RIMS2: variants seen among roughly 807,000 people sequenced by gnomAD.
RIMS2 encodes the protein regulating synaptic membrane exocytosis 2.
Under a neutral mutation model 174.4 loss-of-function variants are expected in RIMS2, and 59 were observed. The ratio of observed to expected loss-of-function variants is 0.34; its 90% CI spans 0.27 to 0.42. The LOEUF (loss-of-function observed/expected upper bound fraction) is 0.42. Among genes scored for constraint, RIMS2 ranks in the 10% least tolerant of loss-of-function variants. RIMS2 has a pLI of 1.00. For synonymous variants in RIMS2, 606 were observed against 572.5 expected (o/e 1.06, Z -0.84); for missense variants, 1,620 against 1,666.3 (o/e 0.97, Z 0.48).
At chr8:103,600,709 C>T (rs1173881531) in intron 1 of RIMS2, among the ~76,000 whole-genome samples, 1 of 152,176 alleles carries the variant, frequency 6.6e-6, no homozygotes. Flanking sequence ...GGCTGTGTAA[C>T]CATCAGTGGG....
At chr8:103,935,126 T>C (rs1260068256) in intron 12 of RIMS2, among the ~76,000 whole-genome samples, 1 of 152,208 alleles carries the variant, frequency 6.6e-6, no homozygotes, top group East Asian at 1.9e-4. Flanking sequence ...TGAGTAGATG[T>C]TAAATAAATA....
intron 3 of RIMS2, among the ~76,000 whole-genome samples, chr8:103,767,947 A>T (rs1463125122): frequency 6.6e-6 from 1 of 152,230 alleles, no homozygotes; most frequent in African/African-American, 2.4e-5. Context: ...TTGTTGGTCC[A>T]GGGCTGATCC....
intron 3 of RIMS2, among the ~76,000 whole-genome samples, chr8:103,778,001 T>C (rs1467381658): frequency 6.6e-6 from 1 of 152,022 alleles, no homozygotes; most frequent in African/African-American, 2.4e-5. Flanking sequence ...TATCTTTTCT[T>C]TGCTGACATT....
chr8:103,618,325 G>A (rs983738239), intron 1 of RIMS2, among the ~76,000 whole-genome samples: 12 of 152,088 alleles, frequency 7.9e-5, no homozygotes, highest in Admixed American at 4.6e-4. Context: ...TACTTGAATG[G>A]GGAGGGTGGG....
rs536083003 is a variant in RIMS2 at position 103,593,781 on chromosome 8, T to C, written c.176+92719T>C. Reference sequence around the variant, plus strand: ...TAAACAATACATAACAGATAACTTATGTTAGCATGCAATGGATTTATTATT... The same window carrying C: ...TAAACAATACATAACAGATAACTTACGTTAGCATGCAATGGATTTATTATT... On this transcript the variant is annotated intron_variant, in intron 1 of 23. Transcript: ENST00000504942. Among the ~76,000 whole-genome samples, 31 of 151,396 alleles carry C rather than the reference T, an allele frequency of 2.0e-4. No individual in the cohort carries two copies. The South Asian group carries it at 3.7e-3, about 18-fold the overall frequency.
intron 17 of RIMS2, among the ~76,000 whole-genome samples, chr8:103,994,535 AT>A (rs1013879182): frequency 7.9e-5 from 12 of 152,164 alleles, no homozygotes; most frequent in Non-Finnish European, 1.5e-5. Flanking sequence ...TATTGCTCAA[AT>A]TTAATAATGT....
intron 19 of RIMS2, among the ~76,000 whole-genome samples, chr8:104,044,629 T>C (rs1306468528): frequency 6.6e-6 from 1 of 151,782 alleles, no homozygotes; most frequent in Non-Finnish European, 1.5e-5. Context: ...TTAATTATCA[T>C]AGTTAACTAA....
At chr8:103,926,125 G>T (rs1260903165) in intron 10 of RIMS2, among the ~76,000 whole-genome samples, 3 of 151,588 alleles carry the variant, frequency 2.0e-5, no homozygotes, top group East Asian at 3.9e-4. Context: ...TCCTTTTAAA[G>T]TGAATCTTTT....
intron 19 of RIMS2, among the ~76,000 whole-genome samples, chr8:104,196,674 T>C (rs1013686877): frequency 2.6e-5 from 4 of 152,184 alleles, no homozygotes; most frequent in Non-Finnish European, 5.9e-5. Context: ...AAATGTCCTT[T>C]GTTCTGTACT....
intron 3 of RIMS2, among the ~76,000 whole-genome samples, chr8:103,789,461 C>T (rs902817969): frequency 2.0e-5 from 3 of 152,242 alleles, no homozygotes; most frequent in African/African-American, 7.2e-5. Flanking sequence ...TTAAAGTCAA[C>T]CAAGGAGGGA....
At chr8:103,653,972 T>G (rs2096491484) in intron 1 of RIMS2, among the ~76,000 whole-genome samples, 1 of 152,096 alleles carries the variant, frequency 6.6e-6, no homozygotes, top group South Asian at 2.1e-4. Flanking sequence ...CCTTTTATGA[T>G]ACAGGAATTT....
chr8:104,014,097 G>T (rs1333913889), intron 18 of RIMS2, among the ~76,000 whole-genome samples: 1 of 152,038 alleles, frequency 6.6e-6, no homozygotes, highest in Non-Finnish European at 1.5e-5. Flanking sequence ...TCTAATAAAG[G>T]GATATTTAAT....
intron 23 of RIMS2, 134 bp downstream of exon 29, chr8:104,251,297 T>C (rs1296432839): frequency 2.6e-6 from 2 of 775,168 alleles, no homozygotes; most frequent in Non-Finnish European, 4.1e-6. Context: ...TTCAAAGCAG[T>C]GGCCCGTGCT....
chr8:103,755,341 T>A (rs948902213), intron 2 of RIMS2, among the ~76,000 whole-genome samples: 4 of 152,192 alleles, frequency 2.6e-5, no homozygotes, highest in Non-Finnish European at 5.9e-5. Context: ...ACCTGCCTTT[T>A]CTCTCTGGCT....
intron 1 of RIMS2, among the ~76,000 whole-genome samples, chr8:103,505,685 T>C (rs1823149066): frequency 6.6e-6 from 1 of 152,216 alleles, no homozygotes; most frequent in Non-Finnish European, 1.5e-5. Flanking sequence ...TTGTGAAATT[T>C]ACTTTTGTAG....
At chr8:104,147,925 G>C (rs1295881634) in intron 19 of RIMS2, among the ~76,000 whole-genome samples, 1 of 152,190 alleles carries the variant, frequency 6.6e-6, no homozygotes, top group East Asian at 1.9e-4. Context: ...CTGGCACACT[G>C]TCTGGAAAAC....
At chr8:104,199,673 C>G (rs550706425) in intron 19 of RIMS2, among the ~76,000 whole-genome samples, 1 of 152,258 alleles carries the variant, frequency 6.6e-6, no homozygotes, top group Non-Finnish European at 1.5e-5. Flanking sequence ...GCTGGTGGAA[C>G]TGAACTCAAT....
intron 1 of RIMS2, among the ~76,000 whole-genome samples, chr8:103,558,711 C>T (rs1057086423): frequency 1.3e-5 from 2 of 151,982 alleles, no homozygotes; most frequent in Non-Finnish European, 2.9e-5. Context: ...CATGGTCACA[C>T]CACAAGTAAA....
intron 1 of RIMS2, among the ~76,000 whole-genome samples, chr8:103,694,961 A>G (rs2097081072): frequency 6.6e-6 from 1 of 152,222 alleles, no homozygotes; most frequent in Non-Finnish European, 1.5e-5. Context: ...CAGTCTGTGC[A>G]TACAACCCTG....
Sources: allele counts gnomAD v4.1 joint callset (sites outside exome capture counted in the v4.1 genomes callset), GRCh38; gene constraint gnomAD v4.1.1; transcripts MANE v1.5; gene names NCBI Gene and HGNC (gene_info 2026-07-23, HGNC 2026-07-21).